The following KCNIP4 variants were observed in gnomAD, a reference collection of about 807,000 sequenced individuals.
KCNIP4 encodes the protein Kv channel-interacting protein 4.
A neutral mutation model predicts 34.0 loss-of-function variants in KCNIP4; 12 were observed. The observed-to-expected ratio is 0.35, with a 90% CI of 0.23 to 0.57. The LOEUF (loss-of-function observed/expected upper bound fraction) is 0.57. Ranked by LOEUF, KCNIP4 falls within the 20% of genes least tolerant of loss-of-function variation. The probability of loss-of-function intolerance (pLI) is 0.83; values close to 1 mark genes in which losing one functional copy is unlikely to be tolerated. For missense variants in KCNIP4, 238 were observed against 311.7 expected (o/e 0.76, Z 1.78); for synonymous variants, 124 against 102.2 (o/e 1.21, Z -1.29).
chr4:21,130,691 T>C (rs1266142606), intron 1 of KCNIP4, among the ~76,000 whole-genome samples: 1 of 152,262 alleles, frequency 6.6e-6, no homozygotes, highest in Non-Finnish European at 1.5e-5. Flanking sequence ...GTACTTGTCC[T>C]GGCTGTGCTG....
intron 1 of KCNIP4, among the ~76,000 whole-genome samples, chr4:21,060,394 C>T (rs1221418562): frequency 6.6e-6 from 1 of 152,092 alleles, no homozygotes; most frequent in African/African-American, 2.4e-5. Context: ...GCATAAATTA[C>T]TATTTTATTT....
chr4:20,818,197 A>T (rs752551570), intron 3 of KCNIP4, among the ~76,000 whole-genome samples: 43 of 152,186 alleles, frequency 2.8e-4, no homozygotes, highest in Non-Finnish European at 3.7e-4. Flanking sequence ...TGTCAAAATG[A>T]TGTCTCCAAT....
chr4:21,848,557 C>T (rs999178106), intron 1 of KCNIP4: 1 of 152,098 alleles, frequency 6.6e-6, no homozygotes, highest in Admixed American at 6.6e-5. Context: ...CTAAACATTG[C>T]TCTAAAATAT....
intron 1 of KCNIP4, among the ~76,000 whole-genome samples, chr4:21,684,315 T>C (rs1404488719): frequency 6.6e-6 from 1 of 152,200 alleles, no homozygotes; most frequent in East Asian, 1.9e-4. Flanking sequence ...GTAGTCTTTG[T>C]GCATTGGTCA....
chr4:21,135,549 A>G (rs1751437751), intron 1 of KCNIP4, among the ~76,000 whole-genome samples: 1 of 152,206 alleles, frequency 6.6e-6, no homozygotes, highest in African/African-American at 2.4e-5. Context: ...GGCAAGTCCT[A>G]CTGAGGATTA....
chr4:20,882,804 G>C, intron 1 of KCNIP4, 95 bp from the exon 2 acceptor site: 1 of 900,356 alleles, frequency 1.1e-6, no homozygotes, highest in Non-Finnish European at 1.7e-6. Context: ...GGAAGGATCA[G>C]GGACGCAGCC....
chr4:21,444,730 C>G (rs1727820083), intron 1 of KCNIP4, among the ~76,000 whole-genome samples: 1 of 152,144 alleles, frequency 6.6e-6, no homozygotes, highest in African/African-American at 2.4e-5. Context: ...CAGGGATGCC[C>G]TCTCTCACCA....
chr4:21,449,124 C>A (rs182809584), intron 1 of KCNIP4, among the ~76,000 whole-genome samples: 1 of 152,306 alleles, frequency 6.6e-6, no homozygotes, highest in East Asian at 1.9e-4. Context: ...GCCCAAAGAG[C>A]AGAGGTATGG....
At chr4:20,817,836 C>T (rs1479757548) in intron 3 of KCNIP4, among the ~76,000 whole-genome samples, 1 of 152,156 alleles carries the variant, frequency 6.6e-6, no homozygotes, top group Admixed American at 6.5e-5. Context: ...GTTATTCTTT[C>T]TCCAACCAGT....
At chr4:20,733,967 C>A (rs1052688066) in intron 6 of KCNIP4, among the ~76,000 whole-genome samples, 3 of 152,070 alleles carry the variant, frequency 2.0e-5, no homozygotes, top group Non-Finnish European at 4.4e-5. Context: ...GCCTCTTGCT[C>A]AAAACTCAAT....
intron 1 of KCNIP4, among the ~76,000 whole-genome samples, chr4:21,698,102 C>G (rs985201318): frequency 5.9e-5 from 9 of 152,170 alleles, no homozygotes; most frequent in Non-Finnish European, 1.0e-4. Context: ...GAAGCTGACC[C>G]TGATTCTAAA....
intron 1 of KCNIP4, among the ~76,000 whole-genome samples, chr4:21,380,576 G>T (rs1287439089): frequency 2.0e-5 from 3 of 151,704 alleles, no homozygotes; most frequent in South Asian, 2.1e-4. Flanking sequence ...AGTTATTGAT[G>T]GTTTGACTTT....
At chr4:21,350,180 T>C (rs1416352131) in intron 1 of KCNIP4, among the ~76,000 whole-genome samples, 1 of 152,162 alleles carries the variant, frequency 6.6e-6, no homozygotes, top group Non-Finnish European at 1.5e-5. Flanking sequence ...GGTATGAACA[T>C]ACCAGGTTAT....
At chr4:20,930,517 C>T (rs1308620919) in intron 1 of KCNIP4, among the ~76,000 whole-genome samples, 3 of 152,032 alleles carry the variant, frequency 2.0e-5, no homozygotes, top group Non-Finnish European at 4.4e-5. Context: ...AATGGAACTA[C>T]ATCAAACTAC....
intron 1 of KCNIP4, among the ~76,000 whole-genome samples, chr4:21,015,950 AAAG>A (rs1053584334): frequency 1.4e-5 from 2 of 145,050 alleles, no homozygotes; most frequent in African/African-American, 5.0e-5. Context: ...ATATATTAAA[AAAG>A]AGAGAAAGCT....
At chr4:21,924,280 G>A (rs1234944069) in intron 1 of KCNIP4, among the ~76,000 whole-genome samples, 1 of 120,912 alleles carries the variant, frequency 8.3e-6, no homozygotes, top group African/African-American at 3.2e-5. Context: ...ATCTCGCTCT[G>A]TCGCCCAGGC....
At chr4:21,243,039 G>A (rs1045330072) in intron 1 of KCNIP4, among the ~76,000 whole-genome samples, 3 of 151,888 alleles carry the variant, frequency 2.0e-5, no homozygotes, top group Non-Finnish European at 4.4e-5. Context: ...ACATATTAGT[G>A]ATCAATATTT....
At chr4:21,426,219 A>G (rs1725919180) in intron 1 of KCNIP4, among the ~76,000 whole-genome samples, 1 of 152,184 alleles carries the variant, frequency 6.6e-6, no homozygotes, top group Admixed American at 6.5e-5. Context: ...ATTTACATGA[A>G]CTCTCCACCA....
intron 1 of KCNIP4, among the ~76,000 whole-genome samples, chr4:21,330,300 T>C (rs546670144): frequency 1.3e-5 from 2 of 152,328 alleles, no homozygotes; most frequent in South Asian, 2.1e-4. Context: ...GATCAGCATG[T>C]ATATGATACA....
Sources: allele counts gnomAD v4.1 joint callset (sites outside exome capture counted in the v4.1 genomes callset), GRCh38; gene constraint gnomAD v4.1.1; transcripts MANE v1.5; gene names NCBI Gene and HGNC (gene_info 2026-07-23, HGNC 2026-07-21).